Variants in POLA2 observed in about 807,000 individuals in gnomAD.
POLA2 encodes DNA polymerase alpha 2, accessory subunit.
POLA2 carries 47 observed loss-of-function variants against 82.8 expected under a neutral mutation model. The observed-to-expected ratio is 0.57, with a 90% CI of 0.45 to 0.72. The LOEUF (loss-of-function observed/expected upper bound fraction) is 0.72, where lower values mean the gene tolerates loss of function less well. POLA2 is among the 30% of genes least tolerant of loss of function. POLA2 has a pLI of 0.00. For synonymous variants in POLA2, 287 were observed against 286.8 expected (o/e 1.00, Z -0.01); for missense variants, 634 against 728.1 (o/e 0.87, Z 1.49).
chr11:65,282,352 C>A, intron 9 of POLA2, 127 bp from the exon 10 acceptor site: 1 of 745,148 alleles, frequency 1.3e-6, no homozygotes, highest in Non-Finnish European at 2.4e-6. Flanking sequence ...CCTTCCCCTG[C>A]CCTCTCGCTC....
In POLA2 at chr11:65,281,744, T is replaced by TACC. The variant is rs761263858; in HGVS notation, c.963+13_963+15dup. On this transcript the variant is annotated intron_variant, in intron 9 of 17. Transcript: ENST00000265465. The stretch of plus-strand genomic sequence containing the variant: ...CCAAACTCTACGAGGTACACAGCAG[T>TACC]ACCCCCACTTGCCTCTTGGTTTGCT... 1 of 1,606,422 alleles carries TACC rather than the reference T, an allele frequency of 6.2e-7. No individual in the cohort carries two copies. The highest frequency in any genetic ancestry group is 8.5e-7 in the Non-Finnish European group (1 of 1,172,972).
intron 13 of POLA2, among the ~76,000 whole-genome samples, chr11:65,291,275 C>G (rs1045558119): frequency 3.9e-5 from 6 of 152,188 alleles, no homozygotes; most frequent in Admixed American, 3.3e-4. Flanking sequence ...AATAAGATGT[C>G]TAACCTTCCG....
At chr11:65,280,848 T>C in intron 7 of POLA2, 144 bp from the exon 8 acceptor site, 1 of 713,682 alleles carries the variant, frequency 1.4e-6, no homozygotes, top group Non-Finnish European at 2.3e-6. Context: ...GATGACGCGG[T>C]AGTCACCTCA....
chr11:65,294,255 C>G lies in POLA2; in HGVS notation c.1347C>G (p.Asp449Glu). 1 of 1,613,068 alleles carries G rather than the reference C, an allele frequency of 6.2e-7. No homozygotes were observed. The highest frequency in any genetic ancestry group is 8.5e-7 in the Non-Finnish European group (1 of 1,179,048). The stretch of plus-strand genomic sequence containing the variant: ...GCTACTCCGATCTGTCTCGAGAGGA[C>G]AAAAAGGTAGCAGCACCCACTCCTT... ...PFSYSDLSRE[D>E]KKQVQFVSEP... The change falls in exon 14 of 18, where the codon GAC (aspartate) becomes GAG (glutamate). Residue 449 changes from aspartate (D) to glutamate (E), a missense_variant. Asp to Glu is a conservative substitution (Grantham distance 45). Transcript: ENST00000265465.
rs541290866 is a variant in POLA2 at position 65,266,491 on chromosome 11, T to C, written c.80-91T>C. On this transcript the variant is annotated intron_variant, in intron 1 of 17. Coordinates refer to ENST00000265465, the MANE Select transcript of POLA2 (RefSeq NM_002689.4). ...GCACTAATAGATTCTGAATAAACAT[T>C]GATGGAGTAAACCAGGATTATTTTT... is the stretch of plus-strand genomic sequence containing the variant. The C allele has an allele frequency of 4.0e-5, 54 of 1,339,774 alleles. 1 individual carries two copies. The highest frequency in any genetic ancestry group is 5.4e-5 in the Non-Finnish European group (51 of 947,578). 83.0% of individuals were successfully genotyped at this position (1,339,774 alleles called of 1,614,324 possible).
At chr11:65,305,226 C>T (rs1949880702) in intron 8 of POLA2, 1 of 392,032 alleles carries the variant, frequency 2.6e-6, no homozygotes, top group Admixed American at 3.0e-5. Flanking sequence ...TCCAAAGCTG[C>T]CCGGCACCAC....
At chr11:65,304,517 A>G (rs1246574605) in intron 8 of POLA2, among the ~76,000 whole-genome samples, 2 of 151,920 alleles carry the variant, frequency 1.3e-5, no homozygotes, top group South Asian at 2.1e-4. Flanking sequence ...GGGACTGGCT[A>G]TGATCCAATG....
chr11:65,290,828 CTTG>C (rs1297017281), intron 13 of POLA2, among the ~76,000 whole-genome samples: 3 of 152,226 alleles, frequency 2.0e-5, no homozygotes, highest in African/African-American at 7.2e-5. Context: ...CCCCAAACAT[CTTG>C]TTGTGTAAGT....
intron 16 of POLA2, 117 bp from the exon 17 acceptor site, chr11:65,295,747 A>G (rs1949803248): frequency 9.4e-6 from 13 of 1,381,666 alleles, no homozygotes; most frequent in Non-Finnish European, 1.2e-5. Flanking sequence ...CCACACACAC[A>G]GAGAAAAAGT....
chr11:65,271,163 C>G (rs1949517344), intron 4 of POLA2, among the ~76,000 whole-genome samples: 1 of 152,216 alleles, frequency 6.6e-6, no homozygotes, highest in South Asian at 2.1e-4. Flanking sequence ...TTTAGTCGGC[C>G]TTCCCTCCAT....
chr11:65,299,817 G>A (rs1949849677), downstream of POLA2, among the ~76,000 whole-genome samples: 1 of 152,012 alleles, frequency 6.6e-6, no homozygotes, highest in African/African-American at 2.4e-5. Context: ...TCAACCTCCC[G>A]AGTAGCTGAG....
chr11:65,264,959 G>GGT (rs1002653183), intron 1 of POLA2, among the ~76,000 whole-genome samples: 1 of 152,146 alleles, frequency 6.6e-6, no homozygotes, highest in Non-Finnish European at 1.5e-5. Context: ...GGCCGGGTGC[G>GGT]GTGGCTCACG....
chr11:65,262,430 C>G, intron 1 of POLA2, 59 bp downstream of exon 1: 1 of 1,444,712 alleles, frequency 6.9e-7, no homozygotes. Flanking sequence ...CCGAGTTCCT[C>G]GGCGCCTAGA....
chr11:65,287,568 GA>G (rs1949710182), intron 10 of POLA2, 147 bp from the exon 11 acceptor site: 11 of 590,766 alleles, frequency 1.9e-5, no homozygotes, highest in Non-Finnish European at 2.9e-5. Context: ...GGGTGGACAT[GA>G]GGTCTTCCTT....
At chr11:65,298,824 G>A (rs1414323617), downstream of POLA2, 2 of 152,224 alleles carry the variant, frequency 1.3e-5, no homozygotes, top group Admixed American at 6.5e-5. Context: ...TGTGTTCCAC[G>A]GGGGCACCAT....
At chr11:65,288,072 G>A (rs1364554570) in intron 11 of POLA2, among the ~76,000 whole-genome samples, 2 of 152,096 alleles carry the variant, frequency 1.3e-5, no homozygotes, top group Admixed American at 1.3e-4. Context: ...TTGGGAGGCC[G>A]AGATGTGTGG....
At chr11:65,281,535 T>A in intron 8 of POLA2, 135 bp from the exon 9 acceptor site, 1 of 680,576 alleles carries the variant, frequency 1.5e-6, no homozygotes, top group Non-Finnish European at 2.6e-6. Context: ...TTAATTCGTT[T>A]TCTACAAAAA....
intron 4 of POLA2, among the ~76,000 whole-genome samples, chr11:65,271,666 C>T (rs951459169): frequency 1.3e-5 from 2 of 150,674 alleles, no homozygotes; most frequent in Admixed American, 6.6e-5. Flanking sequence ...TCGAGACCAG[C>T]GAAACTCCAT....
intron 12 of POLA2, 72 bp from the exon 13 acceptor site, chr11:65,289,727 C>T (rs1355913981): frequency 1.0e-6 from 1 of 986,672 alleles, no homozygotes; most frequent in Non-Finnish European, 1.6e-6. Flanking sequence ...TATGGGTCAC[C>T]TAACAATGTT....
Sources: gnomAD v4.1 joint callset for allele counts (sites outside exome capture counted in the v4.1 genomes callset) on GRCh38, gnomAD v4.1.1 for gene constraint, MANE v1.5 for transcripts, NCBI Gene and HGNC (gene_info 2026-07-23, HGNC 2026-07-21) for gene names.